The following YTHDF1 variants were observed in gnomAD, a reference collection of about 807,000 sequenced individuals.
YTHDF1 encodes the protein YTH N6-methyladenosine RNA binding protein F1, also known as YTH domain-containing family protein 1.
A neutral mutation model predicts 49.1 loss-of-function variants in YTHDF1; 16 were observed. That is an observed-to-expected ratio of 0.33 (90% CI 0.22 to 0.49). The LOEUF is 0.49. Among genes scored for constraint, YTHDF1 ranks in the 20% least tolerant of loss-of-function variants. The pLI, the probability that YTHDF1 is intolerant of heterozygous loss-of-function variation, is 0.99. For synonymous variants in YTHDF1, 313 were observed against 290.1 expected (o/e 1.08, Z -0.80); for missense variants, 621 against 744.3 (o/e 0.83, Z 1.93).
intron 3 of YTHDF1, among the ~76,000 whole-genome samples, chr20:63,205,728 C>T (rs998416741): frequency 6.6e-6 from 1 of 152,118 alleles, no homozygotes; most frequent in Non-Finnish European, 1.5e-5. Context: ...AGGCTGGTCT[C>T]GAACTCCCAA....
chr20:63,196,801 G>T, intron 4 of YTHDF1, 67 bp from the exon 5 acceptor site: 1 of 1,599,492 alleles, frequency 6.3e-7, no homozygotes, highest in South Asian at 1.1e-5. Context: ...CCAAAAGTGA[G>T]ATCCGAGGCT....
intron 3 of YTHDF1, among the ~76,000 whole-genome samples, chr20:63,207,621 G>C (rs551579241): frequency 6.6e-6 from 1 of 152,212 alleles, no homozygotes; most frequent in African/African-American, 2.4e-5. Context: ...TTACTCTGCA[G>C]CCGCCTCCAC....
intron 3 of YTHDF1, among the ~76,000 whole-genome samples, chr20:63,204,558 A>G (rs1022990681): frequency 3.9e-5 from 6 of 152,192 alleles, no homozygotes; most frequent in Non-Finnish European, 7.4e-5. Flanking sequence ...AGCCAAGAGA[A>G]AGCATCCGAA....
intron 3 of YTHDF1, among the ~76,000 whole-genome samples, chr20:63,207,647 A>G (rs1485364051): frequency 6.6e-6 from 1 of 152,160 alleles, no homozygotes; most frequent in Non-Finnish European, 1.5e-5. Context: ...ACTGCTGAAC[A>G]CTTCCACATG....
chr20:63,215,780 C>G (rs1317340229), intron 1 of YTHDF1, 86 bp downstream of exon 1: 2 of 1,408,558 alleles, frequency 1.4e-6, no homozygotes, highest in African/African-American at 1.5e-5. Context: ...CTCCGCGACC[C>G]CGGGCTCTGC....
At chr20:63,211,852 G>T (rs1215068727) in intron 3 of YTHDF1, among the ~76,000 whole-genome samples, 1 of 151,972 alleles carries the variant, frequency 6.6e-6, no homozygotes. Flanking sequence ...AGCTATTCAG[G>T]AGGCTGAGGC....
Position 63,203,787 on chromosome 20 carries a change from C to A in YTHDF1, c.153G>T (p.Met51Ile). 2 of 1,605,268 alleles carry A rather than the reference C, an allele frequency of 1.2e-6. No individual in the cohort carries two copies. Among genetic ancestry groups the A allele is most frequent in the African/African-American group, 2.7e-5 (2 of 74,860 alleles). Reference sequence around the variant, plus strand: ...AATAGCTGGACAGGTAGGGGTCGCTCATTGAGGGGTAACTGTTACTCTGCA... The same window carrying A: ...AATAGCTGGACAGGTAGGGGTCGCTAATTGAGGGGTAACTGTTACTCTGCA... ...QSNQSNSYPS[M>I]SDPYLSSYYP... is the part of the protein sequence containing the mutation. The change falls in exon 4 of 5, where the codon ATG becomes ATT. Residue 51 changes from methionine (M) to isoleucine (I), a missense_variant. Met to Ile is a conservative substitution (Grantham distance 10). Around this residue, in one of 2 missense-constraint regions of YTHDF1, gnomAD observed 470 missense variants for 495.8 expected, o/e 0.95. Transcript: ENST00000370339. This position sits in a 1 kb window ranked among gnomAD's most constrained non-coding sequence, Gnocchi z 4.4.
At chr20:63,204,857 C>T (rs1357498358) in intron 3 of YTHDF1, among the ~76,000 whole-genome samples, 1 of 152,092 alleles carries the variant, frequency 6.6e-6, no homozygotes, top group East Asian at 1.9e-4. Context: ...GATTGGGTCC[C>T]TCCAACACTG....
At chr20:63,213,142 T>C (rs1242556971) in intron 3 of YTHDF1, among the ~76,000 whole-genome samples, 1 of 152,164 alleles carries the variant, frequency 6.6e-6, no homozygotes, top group East Asian at 1.9e-4. Context: ...GAGTTAAAAT[T>C]GAAACCAGGC....
intron 2 of YTHDF1, 103 bp downstream of exon 2, chr20:63,215,474 C>CG (rs902642906): frequency 6.7e-7 from 1 of 1,501,372 alleles, no homozygotes; most frequent in Non-Finnish European, 9.2e-7. Flanking sequence ...CTGAAGCTGG[C>CG]GGAAGAGAGA....
chr20:63,204,133 T>C (rs1156360291), intron 3 of YTHDF1, among the ~76,000 whole-genome samples: 1 of 152,130 alleles, frequency 6.6e-6, no homozygotes, highest in African/African-American at 2.4e-5. Flanking sequence ...AATCCAGAGG[T>C]AGAGGAGTAA....
rs748589907 is a variant in YTHDF1, at chr20:63,215,936, CG to C, written c.-45del. 7.4e-7 allele frequency: 1 copy of C among 1,346,566 alleles called. No individual in the cohort carries two copies. Among genetic ancestry groups the C allele is most frequent in the South Asian group, 1.8e-5 (1 of 56,824 alleles). 83.4% of individuals were successfully genotyped at this position (1,346,566 alleles called of 1,614,324 possible). ...CGCGGGGCCGGGGCGCCCGCCGGCT[CG>C]GGCCTCCCCTAGAGGCCGGGCCTGT... On this transcript the variant is annotated 5_prime_UTR_variant, in exon 1 of 5. Transcript: ENST00000370339.
chr20:63,203,286 G>T lies in YTHDF1; in HGVS notation c.654C>A (p.Gly218=), dbSNP rs771576170. Reference sequence around the variant, plus strand: ...GCATGTTCACATTTGTCCCACCGTTGCCAGAAAGGACACCAGTCAGTGCCA... The same window carrying T: ...GCATGTTCACATTTGTCCCACCGTTTCCAGAAAGGACACCAGTCAGTGCCA... ...SSVALTGVLS[G]NGGTNVNMPV... Residue 218 remains glycine (G), a synonymous_variant, in exon 4 of 5, where the codon GGC becomes GGA. Transcript: ENST00000370339. The surrounding 1 kb of genome is among the most constrained non-coding windows in gnomAD (Gnocchi z 4.4). The T allele has an allele frequency of 6.2e-7, 1 of 1,613,772 alleles. No individual in the cohort carries two copies. Among genetic ancestry groups the T allele is most frequent in the Non-Finnish European group, 8.5e-7 (1 of 1,180,052 alleles).
chr20:63,206,482 C>T (rs184537887), intron 3 of YTHDF1, among the ~76,000 whole-genome samples: 1 of 152,368 alleles, frequency 6.6e-6, no homozygotes, highest in East Asian at 1.9e-4. Flanking sequence ...ATAAATGACC[C>T]ATCCAGCTTC....
At chr20:63,211,325 C>T (rs767141783) in intron 3 of YTHDF1, among the ~76,000 whole-genome samples, 5 of 152,114 alleles carry the variant, frequency 3.3e-5, no homozygotes, top group African/African-American at 9.6e-5. Context: ...ATTAGCTGGG[C>T]GTGGTGGCAC....
chr20:63,208,458 C>T (rs890476402), intron 3 of YTHDF1, among the ~76,000 whole-genome samples: 1 of 152,296 alleles, frequency 6.6e-6, no homozygotes, highest in East Asian at 1.9e-4. Context: ...CCCTAATTTA[C>T]TTACTTGGCT....
At position 63,196,625 on chromosome 20, in the gene YTHDF1, G is replaced by A. The variant is rs574094617; in HGVS notation, c.*83C>T. On this transcript the variant is annotated 3_prime_UTR_variant, in exon 5 of 5. Coordinates refer to ENST00000370339, the MANE Select transcript of YTHDF1 (RefSeq NM_017798.4). The stretch of plus-strand genomic sequence containing the variant: ...GCAACACTCAACCCCCGCACGGGAC[G>A]ACACACTGGAGCTGACCAAGCACAC... The A allele has an allele frequency of 6.8e-5, 105 of 1,551,708 alleles. 1 individual carries two copies. The South Asian group carries it at 9.1e-4, about 13-fold the overall frequency.
intron 3 of YTHDF1, among the ~76,000 whole-genome samples, chr20:63,205,638 A>G (rs1393833162): frequency 1.3e-5 from 2 of 151,980 alleles, no homozygotes; most frequent in Admixed American, 1.3e-4. Flanking sequence ...CCTCCCAAGT[A>G]GCTGGGATTA....
In YTHDF1 at chr20:63,203,986, A is replaced by C. The variant is rs769658540; in HGVS notation, c.133-179T>G. 1.3e-5 allele frequency among the ~76,000 whole-genome samples: 2 copies of C among 152,234 alleles called. No homozygotes were observed. Among genetic ancestry groups the C allele is most frequent in the African/African-American group, 4.8e-5 (2 of 41,464 alleles). On this transcript the variant is annotated intron_variant, in intron 3 of 4. Transcript: ENST00000370339. The surrounding 1 kb of genome is among the most constrained non-coding windows in gnomAD (Gnocchi z 4.4). ...AGAACCAAATCAAGACAGAGAAATT[A>C]ATAACGAACACAAACCAGGGTGCCG...
Sources: allele counts gnomAD v4.1 joint callset (sites outside exome capture counted in the v4.1 genomes callset), GRCh38; gene constraint gnomAD v4.1.1; regional missense constraint gnomAD v4.1.1; non-coding constraint Gnocchi (gnomAD v3.1); transcripts MANE v1.5; gene names NCBI Gene and HGNC (gene_info 2026-07-23, HGNC 2026-07-21).